Variants in RELN observed in about 807,000 individuals in gnomAD.
RELN encodes the protein reelin.
A neutral mutation model predicts 427.6 loss-of-function variants in RELN; 108 were observed. That is an observed-to-expected ratio of 0.25 (90% CI 0.22 to 0.30). The LOEUF (loss-of-function observed/expected upper bound fraction) is 0.30. Among genes scored for constraint, RELN ranks in the 10% least tolerant of loss-of-function variants. RELN has a pLI of 1.00. For missense variants in RELN, 3,715 were observed against 4,302.8 expected, an observed-to-expected ratio of 0.86 and a Z score of 3.82; for synonymous variants, 1,524 against 1,513.4, an observed-to-expected ratio of 1.01 and a Z score of -0.16.
chr7:103,564,390 G>A (rs1166221440), intron 34 of RELN, among the ~76,000 whole-genome samples: 1 of 152,226 alleles, frequency 6.6e-6, no homozygotes, highest in Non-Finnish European at 1.5e-5. Context: ...AAGCAGTGAG[G>A]AAACCGGAGT....
intron 41 of RELN, 35 bp downstream of exon 41, chr7:103,551,032 A>G: frequency 6.5e-7 from 1 of 1,550,026 alleles, no homozygotes; most frequent in Non-Finnish European, 8.9e-7. Context: ...CTGTCAAAGG[A>G]GAAACAAATG....
chr7:103,485,684 ATTAACCCTCAGCAAT>A (rs1281464359), intron 61 of RELN, among the ~76,000 whole-genome samples: 2 of 152,194 alleles, frequency 1.3e-5, no homozygotes, highest in Admixed American at 6.5e-5. Flanking sequence ...TCTACTCTGC[ATTAACCCTCAGCAAT>A]TTAACCCTCA....
intron 10 of RELN, among the ~76,000 whole-genome samples, chr7:103,684,142 T>C (rs1425217889): frequency 6.6e-6 from 1 of 152,152 alleles, no homozygotes; most frequent in African/African-American, 2.4e-5. Context: ...TGAGTCTCCA[T>C]TTCTTTCTAA....
Position 103,553,500 on chromosome 7 carries a change from A to C in RELN, c.6033T>G (p.Arg2011=), listed in dbSNP as rs1305359782. The C allele has an allele frequency of 1.9e-6, 3 of 1,613,904 alleles. No individual in the cohort carries two copies. The East Asian group carries it at 6.7e-5, about 36-fold the overall frequency. Residue 2011 remains arginine, a synonymous_variant, in exon 40 of 65, where the codon CGT becomes CGG. Transcript: ENST00000428762. ...TGGTGTTCTCATTCACATTTAGGTC[A>C]CGGGTGGTAATGGAATGCTCACCAA... is the stretch of plus-strand genomic sequence containing the variant. ...NEVGEHSITT[R]DLNVNENTII... is the part of the protein sequence containing the mutation.
intron 12 of RELN, among the ~76,000 whole-genome samples, chr7:103,654,433 G>C (rs949237576): frequency 2.6e-5 from 4 of 152,044 alleles, no homozygotes; most frequent in Non-Finnish European, 5.9e-5. Context: ...GTAGCTATTT[G>C]CTTCATGAGA....
At chr7:103,826,844 C>T (rs1180812814) in intron 3 of RELN, among the ~76,000 whole-genome samples, 1 of 151,994 alleles carries the variant, frequency 6.6e-6, no homozygotes, top group African/African-American at 2.4e-5. Flanking sequence ...GTAAGAAGTG[C>T]CAAGTACAAT....
chr7:103,654,622 G>A (rs1832988450), intron 12 of RELN, among the ~76,000 whole-genome samples: 2 of 152,072 alleles, frequency 1.3e-5, no homozygotes, highest in Non-Finnish European at 2.9e-5. Context: ...CCTGCATCAA[G>A]GAATTCTGAA....
intron 1 of RELN, among the ~76,000 whole-genome samples, chr7:103,934,465 T>C (rs1795936040): frequency 6.6e-6 from 1 of 152,182 alleles, no homozygotes; most frequent in African/African-American, 2.4e-5. Context: ...AGCCAGATGA[T>C]CATATCCTAC....
intron 3 of RELN, among the ~76,000 whole-genome samples, chr7:103,790,940 A>AAC (rs1411181037): frequency 6.6e-6 from 1 of 152,050 alleles, no homozygotes; most frequent in East Asian, 1.9e-4. Flanking sequence ...CAGCCTGGGC[A>AAC]ACAGAGCAAG....
intron 24 of RELN, among the ~76,000 whole-genome samples, chr7:103,602,868 G>A (rs1477615008): frequency 1.3e-5 from 2 of 152,074 alleles, no homozygotes; most frequent in Non-Finnish European, 2.9e-5. Flanking sequence ...CAAATTGGAT[G>A]GAAACAGGCA....
intron 6 of RELN, among the ~76,000 whole-genome samples, chr7:103,744,173 TAATGA>T (rs1419274172): frequency 6.6e-6 from 1 of 152,078 alleles, no homozygotes; most frequent in Non-Finnish European, 1.5e-5. Context: ...ACTGGGTAAA[TAATGA>T]AATGAAGGCA....
In RELN at chr7:103,911,865, G is replaced by C. The variant is rs946744599; in HGVS notation, c.337+5210C>G. Among the ~76,000 whole-genome samples the C allele has an allele frequency of 6.9e-5, 8 of 115,320 alleles. No individual in the cohort carries two copies. The Admixed American group carries it at 8.0e-4, about 11-fold the overall frequency. The allele number at this position is 115,320 out of a possible 152,430, so 75.7% of individuals were successfully genotyped here. A position where few individuals can be genotyped will look rare whatever the true frequency, so the allele number is the denominator to read the frequency against. The stretch of plus-strand genomic sequence containing the variant: ...TCTGGGGACTGTGGTGGGGTGGGGG[G>C]AGGGGGGAGAGATAGCATTGGGAGA... On this transcript the variant is annotated intron_variant, in intron 2 of 64. Coordinates refer to ENST00000428762, the MANE Select transcript of RELN (RefSeq NM_005045.4).
chr7:103,620,002 T>C lies in RELN; in HGVS notation c.2703-8199A>G, dbSNP rs750111176. On this transcript the variant is annotated intron_variant, in intron 20 of 64. Transcript: ENST00000428762. This position sits in a 1 kb window ranked among gnomAD's most constrained non-coding sequence, Gnocchi z 4.1. ...AGCTCCTCCTGCTTCTGTCCACTAC[T>C]TTTGATAAGGTTTTGCTGTGCCCCA... Among the ~76,000 whole-genome samples the C allele has an allele frequency of 1.2e-4, 19 of 152,166 alleles. No individual in the cohort carries two copies. Among genetic ancestry groups the C allele is most frequent in the Admixed American group, 6.5e-5 (1 of 15,274 alleles).
At chr7:103,936,743 GACAC>G (rs57505374) in intron 1 of RELN, among the ~76,000 whole-genome samples, 3,588 of 139,612 alleles carry the variant, frequency 0.026, 96 homozygotes, top group African/African-American at 0.063. Flanking sequence ...CAGACAGACA[GACAC>G]ACACACACAC....
intron 10 of RELN, among the ~76,000 whole-genome samples, chr7:103,688,361 T>C (rs1833804873): frequency 6.6e-6 from 1 of 152,076 alleles, no homozygotes; most frequent in Admixed American, 6.6e-5. Context: ...AATCTGATTT[T>C]CTCTTATTTG....
At chr7:103,550,996 A>C in intron 41 of RELN, 71 bp downstream of exon 41, 1 of 1,251,700 alleles carries the variant, frequency 8.0e-7, no homozygotes, top group Non-Finnish European at 1.1e-6. Flanking sequence ...ATAAAGTGGC[A>C]AGTGAACGAT....
chr7:103,934,188 T>C (rs3735629), intron 1 of RELN, among the ~76,000 whole-genome samples: 68,451 of 151,958 alleles, frequency 0.45, 15,744 homozygotes, highest in East Asian at 0.53. Context: ...CTGTCTTGTA[T>C]TAAAATTTGA....
intron 63 of RELN, among the ~76,000 whole-genome samples, chr7:103,480,374 G>A (rs1446827174): frequency 6.6e-6 from 1 of 152,036 alleles, no homozygotes; most frequent in Non-Finnish European, 1.5e-5. Flanking sequence ...TGAATTATCT[G>A]GAACTTTATT....
chr7:103,906,410 T>C lies in RELN; in HGVS notation c.337+10665A>G, dbSNP rs73403953. 9.7e-3 allele frequency among the ~76,000 whole-genome samples: 1,471 copies of C among 152,304 alleles called. 23 individuals are homozygous for C. Among genetic ancestry groups the C allele is most frequent in the African/African-American group, 0.034 (1,395 of 41,566 alleles). On this transcript the variant is annotated intron_variant, in intron 2 of 64. Coordinates refer to ENST00000428762, the MANE Select transcript of RELN (RefSeq NM_005045.4). ...TAATACCTGTAACACACCGGGCAGA[T>C]AGCAAGTGCTTGATAATGTTAGCTA...
Sources: allele counts gnomAD v4.1 joint callset (sites outside exome capture counted in the v4.1 genomes callset), GRCh38; gene constraint gnomAD v4.1.1; non-coding constraint Gnocchi (gnomAD v3.1); transcripts MANE v1.5; gene names NCBI Gene and HGNC (gene_info 2026-07-23, HGNC 2026-07-21).